The following ANKRD30A variants were observed in gnomAD, a reference collection of about 807,000 sequenced individuals.
ANKRD30A encodes the protein ankyrin repeat domain 30A, also known as ankyrin repeat domain-containing protein 30A.
In ANKRD30A, 170 loss-of-function variants were observed where a neutral mutation model predicts 166.3. The ratio of observed to expected loss-of-function variants is 1.02; its 90% CI spans 0.90 to 1.16. ANKRD30A has a LOEUF of 1.16. ANKRD30A is among the 50% of genes most tolerant of loss of function. The pLI is 0.00. For missense variants in ANKRD30A, 1,630 were observed against 1,518.0 expected (o/e 1.07, Z -1.23); for synonymous variants, 564 against 508.9 (o/e 1.11, Z -1.46).
chr10:37,163,132 A>C (rs2132600082), intron 17 of ANKRD30A, among the ~76,000 whole-genome samples: 1 of 150,598 alleles, frequency 6.6e-6, no homozygotes, highest in East Asian at 2.0e-4. Context: ...GGATTCAAGA[A>C]GGTGAATGTT....
In ANKRD30A at chr10:37,193,231, T is replaced by A. The variant is rs775794106; in HGVS notation, c.2587T>A (p.Leu863Met). The A allele has an allele frequency of 2.5e-6, 4 of 1,611,698 alleles. No individual in the cohort carries two copies. The highest frequency in any genetic ancestry group is 3.4e-6 in the Non-Finnish European group (4 of 1,179,302). ...TTCTATTCCAACTAAAGCCTTAGAA[T>A]TGATGGACATGCAAACTTTCAAAGC... ...KVSIPTKALE[L>M]MDMQTFKAEP... The change falls in exon 27 of 36, where the codon TTG (leucine) becomes ATG (methionine). Residue 863 changes from leucine to methionine, a missense_variant. By Grantham distance (15) the Leu-to-Met change is conservative. Coordinates refer to ENST00000361713, the MANE Select transcript of ANKRD30A (RefSeq NM_052997.3).
intron 17 of ANKRD30A, among the ~76,000 whole-genome samples, 185 bp downstream of exon 17, chr10:37,163,033 T>A (rs1300024689): frequency 6.6e-6 from 1 of 152,148 alleles, no homozygotes; most frequent in African/African-American, 2.4e-5. Flanking sequence ...AATATATTTT[T>A]TAAAAAAATG....
intron 1 of ANKRD30A, among the ~76,000 whole-genome samples, chr10:37,128,689 A>G (rs886810231): frequency 6.6e-6 from 1 of 152,080 alleles, no homozygotes; most frequent in African/African-American, 2.4e-5. Context: ...TAAAAGATAC[A>G]TTCTATTAAC....
chr10:37,160,246 T>TTAC (rs1435953146), intron 15 of ANKRD30A, among the ~76,000 whole-genome samples: 2 of 152,202 alleles, frequency 1.3e-5, no homozygotes, highest in African/African-American at 4.8e-5. Context: ...TACTGCTTCA[T>TTAC]CCACTGTTAG....
At position 37,147,397 on chromosome 10, in the gene ANKRD30A, C is replaced by G. The variant is rs755865709; in HGVS notation, c.1483C>G (p.Gln495Glu). The G allele has an allele frequency of 5.6e-6, 9 of 1,597,644 alleles. No individual in the cohort carries two copies. In the Admixed American group the frequency reaches 1.6e-4, roughly 28 times the overall value. ...TCTCTTTGAGAGTTCTGCAAAGATT[C>G]AAGTGTGTATACCTGAGTCTATATA... ...RSLFESSAKI[Q>E]VCIPESIYQK... The change falls in exon 9 of 36, where the codon CAA becomes GAA. Residue 495 changes from glutamine (Q) to glutamate (E), a missense_variant. Physicochemically the swap from Gln to Glu is conservative, Grantham distance 29 (BLOSUM62 2). This residue lies in a region of ANKRD30A where 904 missense variants were observed against 818.5 expected (regional missense o/e 1.10). Transcript: ENST00000361713.
At chr10:37,189,767 A>G (rs1441735502) in intron 25 of ANKRD30A, among the ~76,000 whole-genome samples, 2 of 150,644 alleles carry the variant, frequency 1.3e-5, no homozygotes, top group Non-Finnish European at 3.0e-5. Context: ...TTACTAGTTT[A>G]AATTCAAGAT....
At chr10:37,146,871 A>T (rs1287842480) in intron 8 of ANKRD30A, among the ~76,000 whole-genome samples, 1 of 152,204 alleles carries the variant, frequency 6.6e-6, no homozygotes, top group African/African-American at 2.4e-5. Context: ...AAAGGTAAAG[A>T]TCAGGTTGCC....
At chr10:37,162,607 A>T in intron 15 of ANKRD30A, 42 bp from the exon 16 acceptor site, 1 of 1,610,820 alleles carries the variant, frequency 6.2e-7, no homozygotes, top group Non-Finnish European at 8.5e-7. Flanking sequence ...TTGGCTTGTC[A>T]TATTTACATA....
At chr10:37,145,412 G>T (rs1205679564) in intron 8 of ANKRD30A, among the ~76,000 whole-genome samples, 1 of 152,128 alleles carries the variant, frequency 6.6e-6, no homozygotes, top group Non-Finnish European at 1.5e-5. Flanking sequence ...GGGAGGTGGA[G>T]GTTGCAGTGA....
chr10:37,211,990 T>TGG (rs1480339355), intron 31 of ANKRD30A, among the ~76,000 whole-genome samples: 119 of 152,178 alleles, frequency 7.8e-4, no homozygotes, highest in African/African-American at 2.8e-3. Context: ...ACCACTCCTA[T>TGG]TCAACATAGT....
chr10:37,235,847 G>A (rs901183877), downstream of ANKRD30A, among the ~76,000 whole-genome samples: 2 of 143,242 alleles, frequency 1.4e-5, no homozygotes, highest in African/African-American at 5.2e-5. Context: ...TCGGCTCACT[G>A]CAAACTCTGC....
chr10:37,196,028 A>T (rs1344589711), intron 27 of ANKRD30A, among the ~76,000 whole-genome samples: 1 of 152,078 alleles, frequency 6.6e-6, no homozygotes, highest in Admixed American at 6.6e-5. Context: ...GTGTTGAACA[A>T]ATAAATTTGA....
chr10:37,248,546 G>T, the ANKRD30A span, among the ~76,000 whole-genome samples: 4 of 152,136 alleles, frequency 2.6e-5, no homozygotes, highest in Non-Finnish European at 5.9e-5. Context: ...TTCAAGATCC[G>T]CTGTGGAAGA....
chr10:37,172,140 G>T (rs1200887), intron 21 of ANKRD30A, among the ~76,000 whole-genome samples: 35,121 of 80,430 alleles, frequency 0.44, 4,873 homozygotes, highest in Middle Eastern at 0.51. Context: ...GGTGAGGAGA[G>T]CGAGACCATC....
At chr10:37,208,421 A>C (rs1342262972) in intron 31 of ANKRD30A, among the ~76,000 whole-genome samples, 4 of 152,130 alleles carry the variant, frequency 2.6e-5, no homozygotes, top group Admixed American at 1.3e-4. Flanking sequence ...TACCGGTAAA[A>C]CAAAGACAAA....
intron 24 of ANKRD30A, among the ~76,000 whole-genome samples, chr10:37,183,340 C>T (rs1840162900): frequency 6.9e-6 from 1 of 144,880 alleles, no homozygotes; most frequent in Non-Finnish European, 1.5e-5. Context: ...ATTATGTGAA[C>T]TATTAGGCCC....
At chr10:37,142,789 T>C (rs1400536386) in intron 7 of ANKRD30A, among the ~76,000 whole-genome samples, 5 of 151,792 alleles carry the variant, frequency 3.3e-5, no homozygotes, top group African/African-American at 1.2e-4. Context: ...AGGGTTTCAC[T>C]ATATTGACCA....
At chr10:37,194,146 GC>G (rs1211655733) in intron 27 of ANKRD30A, among the ~76,000 whole-genome samples, 4 of 152,022 alleles carry the variant, frequency 2.6e-5, no homozygotes, top group African/African-American at 9.7e-5. Context: ...CATGAGCCGA[GC>G]TTGTGCCACT....
At chr10:37,148,255 T>A (rs924492363) in intron 9 of ANKRD30A, among the ~76,000 whole-genome samples, 2 of 152,066 alleles carry the variant, frequency 1.3e-5, no homozygotes, top group African/African-American at 4.8e-5. Context: ...AGCAATTGGA[T>A]AAAAGGATAA....
Sources: allele counts gnomAD v4.1 joint callset (sites outside exome capture counted in the v4.1 genomes callset), GRCh38; gene constraint gnomAD v4.1.1; regional missense constraint gnomAD v4.1.1; transcripts MANE v1.5; gene names NCBI Gene and HGNC (gene_info 2026-07-23, HGNC 2026-07-21).